BTBD17: variants seen among roughly 807,000 people sequenced by gnomAD.
The protein encoded by BTBD17 is BTB/POZ domain-containing protein 17.
BTBD17 carries 26 observed loss-of-function variants against 36.9 expected under a neutral mutation model. The observed-to-expected ratio is 0.70, with a 90% CI of 0.52 to 0.98. BTBD17 has a LOEUF of 0.98. BTBD17 is among the 50% of genes least tolerant of loss of function. The pLI is 0.00. For missense variants in BTBD17, 630 were observed against 691.3 expected (o/e 0.91, Z 0.99); for synonymous variants, 341 against 338.0 (o/e 1.01, Z -0.10).
At position 74,357,050 on chromosome 17, in the gene BTBD17, G is replaced by T; in HGVS notation, c.1044C>A (p.His348Gln). 2 of 1,529,352 alleles carry T rather than the reference G, an allele frequency of 1.3e-6. No homozygotes were observed. Among genetic ancestry groups the T allele is most frequent in the Admixed American group, 2.1e-5 (1 of 48,490 alleles). The allele number at this position is 1,529,352 out of a possible 1,614,324, so 94.7% of individuals were successfully genotyped here. A position where few individuals can be genotyped will look rare whatever the true frequency, so the allele number is the denominator to read the frequency against. Residue 348 changes from histidine to glutamine, a missense_variant, in exon 3 of 3, where the codon CAC becomes CAA. Transcript: ENST00000375366. The surrounding 1 kb of genome is among the most constrained non-coding windows in gnomAD (Gnocchi z 8.4). ...TCCAGGTGACCCGGCGGCCCGCGTC[G>T]TGGCCACTCGGGCCCAGCTGCGTCT... ...SFQTQLGPSG[H>Q]DAGRRVTWNV...
At chr17:74,363,316 C>A (rs2054952585), upstream of BTBD17, among the ~76,000 whole-genome samples, 1 of 152,108 alleles carries the variant, frequency 6.6e-6, no homozygotes, top group African/African-American at 2.4e-5. Flanking sequence ...AGCTCTCCAG[C>A]CCAGCGGAAA....
intron 2 of BTBD17, among the ~76,000 whole-genome samples, chr17:74,359,006 G>C (rs2054917029): frequency 6.6e-6 from 1 of 152,164 alleles, no homozygotes; most frequent in Non-Finnish European, 1.5e-5. Context: ...CTGTTGCCTG[G>C]AACTTGGAAG....
Position 74,357,814 on chromosome 17 carries a change from C to A in BTBD17, c.363-83G>T, listed in dbSNP as rs201867347. ...GATTTTTTAGAGTCCACAGGGGACCCGGCCTGGAGTTGGAGCTTCACTGTC... is the reference window on the plus strand; with the variant it reads ...GATTTTTTAGAGTCCACAGGGGACCAGGCCTGGAGTTGGAGCTTCACTGTC... On this transcript the variant is annotated intron_variant, in intron 2 of 2. Coordinates refer to ENST00000375366, the MANE Select transcript of BTBD17 (RefSeq NM_001080466.2). This position sits in a 1 kb window ranked among gnomAD's most constrained non-coding sequence, Gnocchi z 8.4. 44 of 1,133,224 alleles carry A rather than the reference C, an allele frequency of 3.9e-5. No homozygotes were observed. In the East Asian group the frequency reaches 1.2e-3, roughly 32 times the overall value. 70.2% of individuals were successfully genotyped at this position (1,133,224 alleles called of 1,614,324 possible).
Position 74,357,322 on chromosome 17 carries a change from G to A in BTBD17, c.772C>T (p.Pro258Ser). The A allele has an allele frequency of 6.4e-7, 1 of 1,557,282 alleles. No individual in the cohort carries two copies. The highest frequency in any genetic ancestry group is 8.6e-7 in the Non-Finnish European group (1 of 1,158,222). The change falls in exon 3 of 3, where the codon CCC becomes TCC. Residue 258 changes from proline to serine, a missense_variant. Coordinates refer to ENST00000375366, the MANE Select transcript of BTBD17 (RefSeq NM_001080466.2). The surrounding 1 kb of genome is among the most constrained non-coding windows in gnomAD (Gnocchi z 8.4). Reference sequence around the variant, plus strand: ...AACAGCTGTGCCGGTGGGATCATGGGGTAGCGTATGGCGCGCAGCGCCCGC... The same window carrying A: ...AACAGCTGTGCCGGTGGGATCATGGAGTAGCGTATGGCGCGCAGCGCCCGC... ...AERALRAIRY[P>S]MIPPAQLFQL...
In BTBD17 at chr17:74,360,308, G is replaced by C. The variant is rs1464926399; in HGVS notation, c.86-63C>G. ...GCCCGGGCCCAGAACCTCAGTCAGG[G>C]GTGGAGAGGGACCAGCTGGAGACAT... On this transcript the variant is annotated intron_variant, in intron 1 of 2. Coordinates refer to ENST00000375366, the MANE Select transcript of BTBD17 (RefSeq NM_001080466.2). The C allele has an allele frequency of 2.7e-6, 4 of 1,504,160 alleles. No individual in the cohort carries two copies. In the African/African-American group the frequency reaches 5.5e-5, roughly 21 times the overall value. The allele number at this position is 1,504,160 out of a possible 1,614,324, so 93.2% of individuals were successfully genotyped here.
intron 2 of BTBD17, among the ~76,000 whole-genome samples, chr17:74,359,085 G>A (rs533484557): frequency 2.0e-5 from 3 of 152,308 alleles, no homozygotes; most frequent in African/African-American, 7.2e-5. Flanking sequence ...AGACACTAGT[G>A]TGAATGGCAC....
In BTBD17 at chr17:74,357,408, T is replaced by G; in HGVS notation, c.686A>C (p.Glu229Ala). ...CCAGGCCTCCAGCGCGTGGAACAGCTCCAGTTCATCCTGCAGCACCAGGTC... is the reference window on the plus strand; with the variant it reads ...CCAGGCCTCCAGCGCGTGGAACAGCGCCAGTTCATCCTGCAGCACCAGGTC... ...RSDLVLQDELELFHALEAWLG... is the reference protein window; with the variant it reads ...RSDLVLQDELALFHALEAWLG... The change falls in exon 3 of 3, where the codon GAG becomes GCG. Residue 229 changes from glutamate (E) to alanine (A), a missense_variant. By Grantham distance (107) the Glu-to-Ala change is moderately radical. Transcript: ENST00000375366. The surrounding 1 kb of genome is among the most constrained non-coding windows in gnomAD (Gnocchi z 8.4). 1.9e-6 allele frequency: 3 copies of G among 1,580,584 alleles called. No individual in the cohort carries two copies. In the South Asian group the frequency reaches 3.4e-5, roughly 18 times the overall value.
Position 74,357,809 on chromosome 17 carries a change from G to T in BTBD17, c.363-78C>A. 8.4e-7 allele frequency: 1 copy of T among 1,189,978 alleles called. No homozygotes were observed. Among genetic ancestry groups the T allele is most frequent in the Non-Finnish European group, 1.1e-6 (1 of 871,446 alleles). The allele number at this position is 1,189,978 out of a possible 1,614,324, so 73.7% of individuals were successfully genotyped here. On this transcript the variant is annotated intron_variant, in intron 2 of 2. Transcript: ENST00000375366. This position sits in a 1 kb window ranked among gnomAD's most constrained non-coding sequence, Gnocchi z 8.4. ...GGATAGATTTTTTAGAGTCCACAGG[G>T]GACCCGGCCTGGAGTTGGAGCTTCA...
In BTBD17 at chr17:74,356,893, C is replaced by T. The variant is rs1352466867; in HGVS notation, c.1201G>A (p.Gly401Ser). The change falls in exon 3 of 3, where the codon GGC (glycine) becomes AGC (serine). Residue 401 changes from glycine to serine, a missense_variant. Gly to Ser is a moderately conservative substitution (Grantham distance 56). Coordinates refer to ENST00000375366, the MANE Select transcript of BTBD17 (RefSeq NM_001080466.2). This position sits in a 1 kb window ranked among gnomAD's most constrained non-coding sequence, Gnocchi z 4.3. Reference sequence around the variant, plus strand: ...AAGCTCACGCCCGCCGCGTCGCCGCCGCTGCTGGCCGGCGTCACCACCAGC... The same window carrying T: ...AAGCTCACGCCCGCCGCGTCGCCGCTGCTGCTGGCCGGCGTCACCACCAGC... ...PRLVVTPASSGGDAAGVSFQK... is the reference protein window; with the variant it reads ...PRLVVTPASSSGDAAGVSFQK... 9 of 1,471,584 alleles carry T rather than the reference C, an allele frequency of 6.1e-6. No individual in the cohort carries two copies. Among genetic ancestry groups the T allele is most frequent in the Non-Finnish European group, 8.0e-6 (9 of 1,120,738 alleles). 91.2% of individuals were successfully genotyped at this position (1,471,584 alleles called of 1,614,324 possible). A position where few individuals can be genotyped will look rare whatever the true frequency, so the allele number is the denominator to read the frequency against.
At chr17:74,360,336 G>A (rs1230524863) in intron 1 of BTBD17, 91 bp from the exon 2 acceptor site, 16 of 1,376,648 alleles carry the variant, frequency 1.2e-5, no homozygotes, top group African/African-American at 1.4e-5. Flanking sequence ...GGAGACATAT[G>A]CATGGGTGTG....
At position 74,360,183 on chromosome 17, in the gene BTBD17, G is replaced by C. The variant is rs142869618; in HGVS notation, c.148C>G (p.Leu50Val). The C allele has an allele frequency of 1.9e-5, 31 of 1,611,742 alleles. No individual in the cohort carries two copies. The African/African-American group carries it at 2.5e-4, about 13-fold the overall frequency. The change falls in exon 2 of 3, where the codon CTC (leucine) becomes GTC (valine). Residue 50 changes from leucine to valine, a missense_variant. Transcript: ENST00000375366. ...GTSINHSQAV[L>V]QRLQELLRQG... ...CGCAGCAGCTCCTGCAAGCGCTGGA[G>C]CACCGCCTGGGAGTGGTTGATGGAG...
At chr17:74,362,961 C>A (rs1057339386), upstream of BTBD17, among the ~76,000 whole-genome samples, 2 of 59,604 alleles carry the variant, frequency 3.4e-5, no homozygotes, top group Non-Finnish European at 9.9e-5. Flanking sequence ...CAAAAGCGCG[C>A]GCGCATGTGT....
rs1330472648 is a variant in BTBD17, at chr17:74,360,233, T to C, written c.98A>G (p.Asp33Gly). 5.6e-6 allele frequency: 9 copies of C among 1,605,108 alleles called. No homozygotes were observed. Among genetic ancestry groups the C allele is most frequent in the East Asian group, 2.2e-5 (1 of 44,646 alleles). The change falls in exon 2 of 3, where the codon GAT (aspartate) becomes GGT (glycine). Residue 33 changes from aspartate (D) to glycine (G), a missense_variant. By Grantham distance (94) the Asp-to-Gly change is moderately conservative. Transcript: ENST00000375366. The stretch of plus-strand genomic sequence containing the variant: ...GGTGCCAGCTGCCTCCCCGCCAACA[T>C]CGGCTCTCTGTGCTGCAGCAGGAAG... ...GLVTHAAQRA[D>G]VGGEAAGTSI... is the part of the protein sequence containing the mutation.
In BTBD17 at chr17:74,357,695, G is replaced by T. The variant is rs1048315846; in HGVS notation, c.399C>A (p.Thr133=). The T allele has an allele frequency of 1.7e-5, 26 of 1,546,972 alleles. No homozygotes were observed. The highest frequency in any genetic ancestry group is 2.1e-5 in the Non-Finnish European group (24 of 1,147,286). Residue 133 remains threonine (T), a synonymous_variant, in exon 3 of 3, where the codon ACC becomes ACA. Coordinates refer to ENST00000375366, the MANE Select transcript of BTBD17 (RefSeq NM_001080466.2). This position sits in a 1 kb window ranked among gnomAD's most constrained non-coding sequence, Gnocchi z 8.4. ...CCAGTCTGTGCAGGGGGATGGCCTG[G>T]GTCAGCAGCACGGTCAGCTCCCCGC... is the stretch of plus-strand genomic sequence containing the variant. The part of the protein sequence containing the change: ...LYCGELTVLL[T]QAIPLHRLAT...
At chr17:74,361,496 C>T (rs1377668791) in intron 1 of BTBD17, among the ~76,000 whole-genome samples, 1 of 152,194 alleles carries the variant, frequency 6.6e-6, no homozygotes, top group Non-Finnish European at 1.5e-5. Flanking sequence ...GATGGCGTCC[C>T]CATTCAGCCT....
chr17:74,362,021 C>T (rs1306537752), upstream of BTBD17: 28 of 544,528 alleles, frequency 5.1e-5, no homozygotes, highest in Middle Eastern at 5.4e-4. Context: ...AGCCAGAGAG[C>T]GGCAGCCCCG....
At chr17:74,362,161 C>T (rs951338399), upstream of BTBD17, among the ~76,000 whole-genome samples, 1 of 152,224 alleles carries the variant, frequency 6.6e-6, no homozygotes, top group Non-Finnish European at 1.5e-5. Context: ...GCAGAATAGG[C>T]GAGGGGCTCC....
chr17:74,359,873 C>A, intron 2 of BTBD17, 96 bp downstream of exon 2: 1 of 1,300,994 alleles, frequency 7.7e-7, no homozygotes, highest in Non-Finnish European at 1.1e-6. Context: ...ATGGACATAA[C>A]AACCTCTAAG....
chr17:74,357,049 C>A lies in BTBD17; in HGVS notation c.1045G>T (p.Asp349Tyr). ...TTCCAGGTGACCCGGCGGCCCGCGTCGTGGCCACTCGGGCCCAGCTGCGTC... is the reference window on the plus strand; with the variant it reads ...TTCCAGGTGACCCGGCGGCCCGCGTAGTGGCCACTCGGGCCCAGCTGCGTC... Reference protein sequence around the residue: ...FQTQLGPSGHDAGRRVTWNVL... With the variant: ...FQTQLGPSGHYAGRRVTWNVL... Residue 349 changes from aspartate (D) to tyrosine (Y), a missense_variant, in exon 3 of 3, where the codon GAC (aspartate) becomes TAC (tyrosine). Physicochemically the swap from Asp to Tyr is radical, Grantham distance 160 (BLOSUM62 -3). Coordinates refer to ENST00000375366, the MANE Select transcript of BTBD17 (RefSeq NM_001080466.2). The surrounding 1 kb of genome is among the most constrained non-coding windows in gnomAD (Gnocchi z 8.4). 6.5e-7 allele frequency: 1 copy of A among 1,529,280 alleles called. No individual in the cohort carries two copies. Among genetic ancestry groups the A allele is most frequent in the Admixed American group, 2.1e-5 (1 of 48,458 alleles). The allele number at this position is 1,529,280 out of a possible 1,614,324, so 94.7% of individuals were successfully genotyped here.
Sources: gnomAD v4.1 joint callset for allele counts (sites outside exome capture counted in the v4.1 genomes callset) on GRCh38, gnomAD v4.1.1 for gene constraint, Gnocchi (gnomAD v3.1) non-coding constraint, MANE v1.5 for transcripts, NCBI Gene and HGNC (gene_info 2026-07-23, HGNC 2026-07-21) for gene names.